CDPF1: variants seen among roughly 807,000 people sequenced by gnomAD.
CDPF1 encodes cysteine rich DPF motif domain containing 1.
Under a neutral mutation model 8.3 loss-of-function variants are expected in CDPF1, and 8 were observed. That is an observed-to-expected ratio of 0.96 (90% CI 0.57 to 1.74). The LOEUF (loss-of-function observed/expected upper bound fraction) is 1.74, where lower values mean the gene tolerates loss of function less well. CDPF1 is among the 40% of genes most tolerant of loss of function. The pLI, the probability that CDPF1 is intolerant of heterozygous loss-of-function variation, is 0.00. For missense variants in CDPF1, 151 were observed against 155.3 expected, an observed-to-expected ratio of 0.97 and a Z score of 0.15; for synonymous variants, 62 against 62.9, an observed-to-expected ratio of 0.99 and a Z score of 0.07.
chr22:46,248,874 C>G lies in CDPF1; in HGVS notation c.1-590G>C, dbSNP rs1569266744. ...CTCTACTAAAAATACAAAAAATTAG[C>G]CAGGCGTGGTGGCGGGCGCCTATAG... On this transcript the variant is annotated intron_variant, in intron 1 of 3. Transcript: ENST00000314567. The surrounding 1 kb of genome is among the most constrained non-coding windows in gnomAD (Gnocchi z 4.1). 6.6e-6 allele frequency among the ~76,000 whole-genome samples: 1 copy of G among 152,166 alleles called. No homozygotes were observed. Among genetic ancestry groups the G allele is most frequent in the African/African-American group, 2.4e-5 (1 of 41,436 alleles).
At position 46,249,080 on chromosome 22, in the gene CDPF1, C is replaced by T. The variant is rs1368072764; in HGVS notation, c.1-796G>A. The stretch of plus-strand genomic sequence containing the variant: ...TTGTATGGAACCCCCTTCTCATGTT[C>T]ATGGTTGGGTCTTGGAGGCCTCTCT... On this transcript the variant is annotated intron_variant, in intron 1 of 3. Transcript: ENST00000314567. The surrounding 1 kb of genome is among the most constrained non-coding windows in gnomAD (Gnocchi z 4.6). Among the ~76,000 whole-genome samples, 1 of 151,668 alleles carries T rather than the reference C, an allele frequency of 6.6e-6. No individual in the cohort carries two copies. Among genetic ancestry groups the T allele is most frequent in the Non-Finnish European group, 1.5e-5 (1 of 68,012 alleles).
Position 46,250,017 on chromosome 22 carries a change from G to A in CDPF1, c.-1+239C>T, listed in dbSNP as rs1481955346. 2.6e-5 allele frequency among the ~76,000 whole-genome samples: 4 copies of A among 152,202 alleles called. 1 individual carries two copies. In the South Asian group the frequency reaches 6.2e-4, roughly 24 times the overall value. On this transcript the variant is annotated intron_variant, in intron 1 of 3. Coordinates refer to ENST00000314567, the MANE Select transcript of CDPF1 (RefSeq NM_207327.5). The stretch of plus-strand genomic sequence containing the variant: ...ATGCTGGTGGTCCCCGCGAGCCTCC[G>A]CCTGCCCTCTCTCGCCCCAGCGCTG...
In CDPF1 at chr22:46,247,258, A is replaced by C. The variant is rs1026173554; in HGVS notation, c.114-37T>G. On this transcript the variant is annotated intron_variant, in intron 2 of 3. Transcript: ENST00000314567. This position sits in a 1 kb window ranked among gnomAD's most constrained non-coding sequence, Gnocchi z 4.3. ...TGAATGCAGCGTCAGAACAGCCCAA[A>C]TCTCTGCCGTCGGAAAATCAGCCAT... 3 of 1,426,598 alleles carry C rather than the reference A, an allele frequency of 2.1e-6. No homozygotes were observed. The highest frequency in any genetic ancestry group is 2.3e-5 in the East Asian group (1 of 43,162). 88.4% of individuals were successfully genotyped at this position (1,426,598 alleles called of 1,614,324 possible). A position where few individuals can be genotyped will look rare whatever the true frequency, so the allele number is the denominator to read the frequency against.
Position 46,248,315 on chromosome 22 carries a change from GTCA to G in CDPF1, c.1-34_1-32del, listed in dbSNP as rs1397283423. 1 of 1,422,494 alleles carries G rather than the reference GTCA, an allele frequency of 7.0e-7. No homozygotes were observed. The allele number at this position is 1,422,494 out of a possible 1,614,324, so 88.1% of individuals were successfully genotyped here. A position where few individuals can be genotyped will look rare whatever the true frequency, so the allele number is the denominator to read the frequency against. On this transcript the variant is annotated intron_variant, in intron 1 of 3. Coordinates refer to ENST00000314567, the MANE Select transcript of CDPF1 (RefSeq NM_207327.5). This position sits in a 1 kb window ranked among gnomAD's most constrained non-coding sequence, Gnocchi z 4.1. ...AGATCAAGAGATGGGGTGTCCCTGG[GTCA>G]CAGGCTTTCTCAGGAATCCTGCCCC...
chr22:46,247,049 G>T lies in CDPF1; in HGVS notation c.225+61C>A. ...CCTCTCTCCCAGCCCTCCCTACCCA[G>T]GGAGAGCTCCAGGATAACCACAGCA... On this transcript the variant is annotated intron_variant, in intron 3 of 3. Transcript: ENST00000314567. The surrounding 1 kb of genome is among the most constrained non-coding windows in gnomAD (Gnocchi z 4.3). 6.9e-7 allele frequency: 1 copy of T among 1,448,862 alleles called. No homozygotes were observed. The highest frequency in any genetic ancestry group is 9.6e-7 in the Non-Finnish European group (1 of 1,042,522). The allele number at this position is 1,448,862 out of a possible 1,614,324, so 89.8% of individuals were successfully genotyped here. A position where few individuals can be genotyped will look rare whatever the true frequency, so the allele number is the denominator to read the frequency against.
At position 46,244,670 on chromosome 22, in the gene CDPF1, T is replaced by G; in HGVS notation, c.*422A>C. 5.6e-6 allele frequency: 1 copy of G among 178,898 alleles called. No individual in the cohort carries two copies. The highest frequency in any genetic ancestry group is 1.2e-5 in the Non-Finnish European group (1 of 83,782). The allele number at this position is 178,898 out of a possible 1,614,324, so 11.1% of individuals were successfully genotyped here. ...AAGGAGCTGCTGTCAGTGATTTTCC[T>G]TACAGAGAGACCATTGCAGCCACCT... is the stretch of plus-strand genomic sequence containing the variant. On this transcript the variant is annotated 3_prime_UTR_variant, in exon 4 of 4. Coordinates refer to ENST00000314567, the MANE Select transcript of CDPF1 (RefSeq NM_207327.5). This position sits in a 1 kb window ranked among gnomAD's most constrained non-coding sequence, Gnocchi z 6.7.
rs980776916 is a variant in CDPF1, at chr22:46,248,708, C to T, written c.1-424G>A. Among the ~76,000 whole-genome samples the T allele has an allele frequency of 3.3e-5, 5 of 152,220 alleles. No homozygotes were observed. Among genetic ancestry groups the T allele is most frequent in the African/African-American group, 1.2e-4 (5 of 41,456 alleles). ...AGCTCTATGCCCTCACATTAGTCCACACGTGGTGTGGACATTAGAACTGTT... is the reference window on the plus strand; with the variant it reads ...AGCTCTATGCCCTCACATTAGTCCATACGTGGTGTGGACATTAGAACTGTT... On this transcript the variant is annotated intron_variant, in intron 1 of 3. Transcript: ENST00000314567. The surrounding 1 kb of genome is among the most constrained non-coding windows in gnomAD (Gnocchi z 4.1).
rs1033188860 is a variant in CDPF1 at position 46,245,621 on chromosome 22, C to T, written c.226-383G>A. ...AACAGTGGCCACCTGGTGCTGGGAG[C>T]GGCAGGGGACAGGAAGGACAGCCCC... is the stretch of plus-strand genomic sequence containing the variant. On this transcript the variant is annotated intron_variant, in intron 3 of 3. Transcript: ENST00000314567. The surrounding 1 kb of genome is among the most constrained non-coding windows in gnomAD (Gnocchi z 6.9). 2.6e-5 allele frequency among the ~76,000 whole-genome samples: 4 copies of T among 152,192 alleles called. No homozygotes were observed. The highest frequency in any genetic ancestry group is 6.5e-5 in the Admixed American group (1 of 15,284).
In CDPF1 at chr22:46,245,279, G is replaced by A; in HGVS notation, c.226-41C>T. ...AAGGATGGAGGCTTGAGTATCCTGGGAACATGGTGCAGCTCCTCCCAGGGG... is the reference window on the plus strand; with the variant it reads ...AAGGATGGAGGCTTGAGTATCCTGGAAACATGGTGCAGCTCCTCCCAGGGG... On this transcript the variant is annotated intron_variant, in intron 3 of 3. Coordinates refer to ENST00000314567, the MANE Select transcript of CDPF1 (RefSeq NM_207327.5). The surrounding 1 kb of genome is among the most constrained non-coding windows in gnomAD (Gnocchi z 6.9). 6.2e-7 allele frequency: 1 copy of A among 1,606,856 alleles called. No individual in the cohort carries two copies. Among genetic ancestry groups the A allele is most frequent in the African/African-American group, 1.3e-5 (1 of 74,852 alleles).
chr22:46,245,997 GC>G lies in CDPF1; in HGVS notation c.226-760del, dbSNP rs1936484952. On this transcript the variant is annotated intron_variant, in intron 3 of 3. Transcript: ENST00000314567. The surrounding 1 kb of genome is among the most constrained non-coding windows in gnomAD (Gnocchi z 6.9). ...AGACTCTGCTGAAGACAACAGGGGTGCCCTTCCAGCCAAGGCCACCAGTTCT... is the reference window on the plus strand; with the variant it reads ...AGACTCTGCTGAAGACAACAGGGGTGCCTTCCAGCCAAGGCCACCAGTTCT... Among the ~76,000 whole-genome samples, 1 of 152,198 alleles carries G rather than the reference GC, an allele frequency of 6.6e-6. No individual in the cohort carries two copies. The highest frequency in any genetic ancestry group is 1.5e-5 in the Non-Finnish European group (1 of 68,040).
At position 46,246,870 on chromosome 22, in the gene CDPF1, C is replaced by G; in HGVS notation, c.225+240G>C. On this transcript the variant is annotated intron_variant, in intron 3 of 3. Transcript: ENST00000314567. This position sits in a 1 kb window ranked among gnomAD's most constrained non-coding sequence, Gnocchi z 7.1. ...CACTGTTGGTGGGAAGGGGAGGAAC[C>G]CTGAGGGGCCACTGGGGTGGGTGCA... 3 of 1,529,010 alleles carry G rather than the reference C, an allele frequency of 2.0e-6. No individual in the cohort carries two copies. Among genetic ancestry groups the G allele is most frequent in the Non-Finnish European group, 2.6e-6 (3 of 1,135,084 alleles). The allele number at this position is 1,529,010 out of a possible 1,614,324, so 94.7% of individuals were successfully genotyped here.
rs777385656 is a variant in CDPF1, at chr22:46,246,696, G to A, written c.225+414C>T. 1 of 1,590,494 alleles carries A rather than the reference G, an allele frequency of 6.3e-7. No homozygotes were observed. Among genetic ancestry groups the A allele is most frequent in the South Asian group, 1.1e-5 (1 of 87,320 alleles). On this transcript the variant is annotated intron_variant, in intron 3 of 3. Coordinates refer to ENST00000314567, the MANE Select transcript of CDPF1 (RefSeq NM_207327.5). The surrounding 1 kb of genome is among the most constrained non-coding windows in gnomAD (Gnocchi z 7.1). ...ACCTGACTAAGGGGCAGGACTGAAT[G>A]AAGCCTCAGCAGTAAAACAGGTCCC...
chr22:46,246,677 C>T lies in CDPF1; in HGVS notation c.225+433G>A. Reference sequence around the variant, plus strand: ...TGGAATATAATACTGCTTTACCTGACTAAGGGGCAGGACTGAATGAAGCCT... The same window carrying T: ...TGGAATATAATACTGCTTTACCTGATTAAGGGGCAGGACTGAATGAAGCCT... On this transcript the variant is annotated intron_variant, in intron 3 of 3. Coordinates refer to ENST00000314567, the MANE Select transcript of CDPF1 (RefSeq NM_207327.5). This position sits in a 1 kb window ranked among gnomAD's most constrained non-coding sequence, Gnocchi z 7.1. The T allele has an allele frequency of 6.3e-7, 1 of 1,576,542 alleles. No homozygotes were observed. The highest frequency in any genetic ancestry group is 8.6e-7 in the Non-Finnish European group (1 of 1,161,612).
chr22:46,248,171 C>A lies in CDPF1; in HGVS notation c.113+1G>T. 3 of 1,610,342 alleles carry A rather than the reference C, an allele frequency of 1.9e-6. No individual in the cohort carries two copies. The highest frequency in any genetic ancestry group is 1.7e-6 in the Non-Finnish European group (2 of 1,177,302). On this transcript the variant is annotated splice_donor_variant, in intron 2 of 3. Transcript: ENST00000314567. LOFTEE classifies it high-confidence loss of function. This position sits in a 1 kb window ranked among gnomAD's most constrained non-coding sequence, Gnocchi z 4.1. ...CACTGGCCCAAAAGGCATGCACTCA[C>A]ACCATCGACTGGGTGTTGGGGGGCT...
In CDPF1 at chr22:46,245,416, G is replaced by T. The variant is rs1161984429; in HGVS notation, c.226-178C>A. Among the ~76,000 whole-genome samples, 3 of 152,072 alleles carry T rather than the reference G, an allele frequency of 2.0e-5. No individual in the cohort carries two copies. Among genetic ancestry groups the T allele is most frequent in the Non-Finnish European group, 2.9e-5 (2 of 67,988 alleles). ...AGAGCCAGGCCTGAGGGCCTGGCAG[G>T]GTGTCCAGGAGAAAAGCAATGCAGG... On this transcript the variant is annotated intron_variant, in intron 3 of 3. Transcript: ENST00000314567. The surrounding 1 kb of genome is among the most constrained non-coding windows in gnomAD (Gnocchi z 6.9).
In CDPF1 at chr22:46,246,995, C is replaced by A; in HGVS notation, c.225+115G>T. 7.9e-7 allele frequency: 1 copy of A among 1,262,326 alleles called. No individual in the cohort carries two copies. 78.2% of individuals were successfully genotyped at this position (1,262,326 alleles called of 1,614,324 possible). On this transcript the variant is annotated intron_variant, in intron 3 of 3. Transcript: ENST00000314567. This position sits in a 1 kb window ranked among gnomAD's most constrained non-coding sequence, Gnocchi z 7.1. ...TCTCCCCTTCATCAGCTGAGGGGCC[C>A]CATCTATAATGGGGTGAACCCGCTG...
Position 46,244,278 on chromosome 22 carries a change from G to C in CDPF1, c.*814C>G, listed in dbSNP as rs1936450931. 6.6e-6 allele frequency: 1 copy of C among 152,582 alleles called. No homozygotes were observed. The highest frequency in any genetic ancestry group is 1.5e-5 in the Non-Finnish European group (1 of 68,408). The allele number at this position is 152,582 out of a possible 1,614,324, so 9.5% of individuals were successfully genotyped here. A position where few individuals can be genotyped will look rare whatever the true frequency, so the allele number is the denominator to read the frequency against. On this transcript the variant is annotated 3_prime_UTR_variant, in exon 4 of 4. Transcript: ENST00000314567. This position sits in a 1 kb window ranked among gnomAD's most constrained non-coding sequence, Gnocchi z 6.7. ...AGTGCGAGATGGCAGGGGGCAAGCA[G>C]GCAAGCAGTGGGATGGTCTTGAGGT...
At position 46,244,751 on chromosome 22, in the gene CDPF1, G is replaced by T. The variant is rs866348431; in HGVS notation, c.*341C>A. On this transcript the variant is annotated 3_prime_UTR_variant, in exon 4 of 4. Transcript: ENST00000314567. This position sits in a 1 kb window ranked among gnomAD's most constrained non-coding sequence, Gnocchi z 6.7. Reference sequence around the variant, plus strand: ...CATCTCCCCCCACACGCACCTGCACGCAGCCTCTTAGGAGCTGCCCTGCTG... The same window carrying T: ...CATCTCCCCCCACACGCACCTGCACTCAGCCTCTTAGGAGCTGCCCTGCTG... The T allele has an allele frequency of 3.8e-6, 1 of 264,376 alleles. No homozygotes were observed. The highest frequency in any genetic ancestry group is 5.0e-5 in the Admixed American group (1 of 20,146). The allele number at this position is 264,376 out of a possible 1,614,324, so 16.4% of individuals were successfully genotyped here.
rs769516319 is a variant in CDPF1, at chr22:46,245,154, C to A, written c.310G>T (p.Asp104Tyr). ...INAFPQEIRQDLEKRKAPSKR... is the reference protein window; with the variant it reads ...INAFPQEIRQYLEKRKAPSKR... ...GATGGAGCTTTCCTTTTCTCCAAGT[C>A]TTGCCGAATTTCCTGAGGAAAAGCA... is the stretch of plus-strand genomic sequence containing the variant. Residue 104 changes from aspartate (D) to tyrosine (Y), a missense_variant, in exon 4 of 4, where the codon GAC becomes TAC. Asp to Tyr is a radical substitution (Grantham distance 160). Coordinates refer to ENST00000314567, the MANE Select transcript of CDPF1 (RefSeq NM_207327.5). The surrounding 1 kb of genome is among the most constrained non-coding windows in gnomAD (Gnocchi z 6.9). 6 of 1,614,130 alleles carry A rather than the reference C, an allele frequency of 3.7e-6. No individual in the cohort carries two copies. The African/African-American group carries it at 5.3e-5, about 14-fold the overall frequency.
Sources: allele counts gnomAD v4.1 joint callset (sites outside exome capture counted in the v4.1 genomes callset), GRCh38; gene constraint gnomAD v4.1.1; non-coding constraint Gnocchi (gnomAD v3.1); transcripts MANE v1.5; gene names NCBI Gene and HGNC (gene_info 2026-07-23, HGNC 2026-07-21).